Variants in EXOC6B observed in about 807,000 individuals in gnomAD.
EXOC6B encodes the protein SEC15 homolog B.
EXOC6B carries 54 observed loss-of-function variants against 113.5 expected under a neutral mutation model. The observed-to-expected ratio is 0.48, with a 90% CI of 0.38 to 0.60. The LOEUF (loss-of-function observed/expected upper bound fraction) is 0.60, where lower values mean the gene tolerates loss of function less well. EXOC6B is among the 20% of genes least tolerant of loss of function. The pLI, the probability that EXOC6B is intolerant of heterozygous loss-of-function variation, is 0.00. For synonymous variants in EXOC6B, 357 were observed against 339.0 expected (o/e 1.05, Z -0.58); for missense variants, 797 against 977.5 (o/e 0.82, Z 2.46).
chr2:72,824,022 T>C (rs946020458), intron 1 of EXOC6B, among the ~76,000 whole-genome samples: 7 of 151,788 alleles, frequency 4.6e-5, no homozygotes, highest in Non-Finnish European at 7.4e-5. Flanking sequence ...CATAAGGCAA[T>C]GGGGGTTGGT....
chr2:72,444,005 A>C (rs1408722656), intron 18 of EXOC6B, among the ~76,000 whole-genome samples: 1 of 152,190 alleles, frequency 6.6e-6, no homozygotes, highest in Admixed American at 6.5e-5. Flanking sequence ...AAGAGTCCAC[A>C]GTCCAAAGTC....
intron 6 of EXOC6B, among the ~76,000 whole-genome samples, chr2:72,603,651 C>T (rs1670572883): frequency 6.6e-6 from 1 of 152,144 alleles, no homozygotes; most frequent in Non-Finnish European, 1.5e-5. Context: ...GTGTACCTAT[C>T]TGCTGGTAAG....
At chr2:72,284,010 C>T (rs1685277231) in intron 20 of EXOC6B, among the ~76,000 whole-genome samples, 1 of 152,048 alleles carries the variant, frequency 6.6e-6, no homozygotes, top group Non-Finnish European at 1.5e-5. Flanking sequence ...AAACAGAAAG[C>T]CCCAAGTACA....
At chr2:72,721,397 G>A (rs1017899120) in intron 5 of EXOC6B, among the ~76,000 whole-genome samples, 2,662 of 38,130 alleles carry the variant, frequency 0.07, no homozygotes, top group Non-Finnish European at 0.08. Context: ...AATGAACAAA[G>A]AAAATTCACA....
At chr2:72,762,050 CCTAGCCAACATGGTAAAACCCCATCT>C (rs1339722916) in intron 1 of EXOC6B, among the ~76,000 whole-genome samples, 1 of 151,946 alleles carries the variant, frequency 6.6e-6, no homozygotes, top group Non-Finnish European at 1.5e-5. Flanking sequence ...TCAAGACCAT[CCTAGCCAACATGGTAAAACCCCATCT>C]CTACAAAAAA....
intron 17 of EXOC6B, among the ~76,000 whole-genome samples, chr2:72,478,627 A>G (rs1698891547): frequency 6.6e-6 from 1 of 152,210 alleles, no homozygotes; most frequent in South Asian, 2.1e-4. Context: ...TTCAGCCCCT[A>G]TGGCTTCCTG....
chr2:72,252,422 A>G (rs1011151742), intron 20 of EXOC6B, among the ~76,000 whole-genome samples: 4 of 152,148 alleles, frequency 2.6e-5, no homozygotes, highest in Admixed American at 6.5e-5. Context: ...AATATAATAG[A>G]AAGTCATGCC....
intron 20 of EXOC6B, among the ~76,000 whole-genome samples, chr2:72,329,844 A>C (rs1236235949): frequency 6.6e-6 from 1 of 152,112 alleles, no homozygotes; most frequent in African/African-American, 2.4e-5. Context: ...AGAAACATGC[A>C]ACTATTTCTC....
chr2:72,560,959 T>C (rs935602856), intron 7 of EXOC6B, among the ~76,000 whole-genome samples: 1 of 152,038 alleles, frequency 6.6e-6, no homozygotes, highest in African/African-American at 2.4e-5. Flanking sequence ...ATATAAAAAT[T>C]GTATGAGTGC....
At position 72,551,353 on chromosome 2, in the gene EXOC6B, A is replaced by G. The variant is rs190400341; in HGVS notation, c.915+8100T>C. On this transcript the variant is annotated intron_variant, in intron 8 of 21. Transcript: ENST00000272427. ...GTTGGGATTACAGGTGTGTGCCACC[A>G]CACCCAGCTAATTTTTGTATTTTTA... is the stretch of plus-strand genomic sequence containing the variant. Among the ~76,000 whole-genome samples, 549 of 151,462 alleles carry G rather than the reference A, an allele frequency of 3.6e-3. 4 individuals are homozygous for G. The highest frequency in any genetic ancestry group is 0.012 in the African/African-American group (498 of 41,244).
rs574544716 is a variant in EXOC6B, at chr2:72,348,303, T to C, written c.2123-13283A>G. Among the ~76,000 whole-genome samples the C allele has an allele frequency of 4.0e-4, 61 of 152,306 alleles. 1 individual carries two copies. Among genetic ancestry groups the C allele is most frequent in the African/African-American group, 1.4e-3 (57 of 41,572 alleles). On this transcript the variant is annotated intron_variant, in intron 19 of 21. Coordinates refer to ENST00000272427, the MANE Select transcript of EXOC6B (RefSeq NM_015189.3). ...CCTTGAAGTTTAGGATTTCAACATA[T>C]GAATTTTGGGGGAACATAAATATTC...
rs1344149580 is a variant in EXOC6B, at chr2:72,539,863, T to A, written c.915+19590A>T. Among the ~76,000 whole-genome samples, 3 of 151,852 alleles carry A rather than the reference T, an allele frequency of 2.0e-5. No individual in the cohort carries two copies. The East Asian group carries it at 5.8e-4, about 29-fold the overall frequency. The stretch of plus-strand genomic sequence containing the variant: ...GCACAATGTGCAGGTTAGTTACATA[T>A]GTATACATGTGCCATGCTGGTGTGC... On this transcript the variant is annotated intron_variant, in intron 8 of 21. Coordinates refer to ENST00000272427, the MANE Select transcript of EXOC6B (RefSeq NM_015189.3).
At chr2:72,250,567 C>G (rs1040143272) in intron 20 of EXOC6B, among the ~76,000 whole-genome samples, 1 of 151,338 alleles carries the variant, frequency 6.6e-6, no homozygotes, top group African/African-American at 2.4e-5. Flanking sequence ...TGGTCTTGAA[C>G]TCCTGAGCTC....
chr2:72,524,815 CA>C (rs1408967553), intron 8 of EXOC6B, among the ~76,000 whole-genome samples: 1 of 152,136 alleles, frequency 6.6e-6, no homozygotes, highest in African/African-American at 2.4e-5. Context: ...AAACACCTCA[CA>C]AAAAAACTGT....
Position 72,614,989 on chromosome 2 carries a change from TA to T in EXOC6B, c.670-39322del, listed in dbSNP as rs546205477. ...ACACCATAGAAGTAAGAATATACCA[TA>T]ACTAAATCTCCAACTAGAGAGGAAT... On this transcript the variant is annotated intron_variant, in intron 6 of 21. Coordinates refer to ENST00000272427, the MANE Select transcript of EXOC6B (RefSeq NM_015189.3). Among the ~76,000 whole-genome samples, 10 of 152,064 alleles carry T rather than the reference TA, an allele frequency of 6.6e-5. No individual in the cohort carries two copies. The East Asian group carries it at 1.9e-3, about 29-fold the overall frequency.
At chr2:72,665,014 C>T (rs1210353548) in intron 6 of EXOC6B, among the ~76,000 whole-genome samples, 1 of 152,206 alleles carries the variant, frequency 6.6e-6, no homozygotes, top group Admixed American at 6.5e-5. Context: ...GGAGCTCCCA[C>T]TCTGAGAACA....
chr2:72,514,944 CACACACACAG>C, intron 9 of EXOC6B, 89 bp downstream of exon 9: 1 of 1,075,340 alleles, frequency 9.3e-7, no homozygotes, highest in Non-Finnish European at 1.3e-6. Flanking sequence ...ACAGTAAACA[CACACACACAG>C]ACACACACAC....
chr2:72,225,003 T>C (rs547989363), intron 20 of EXOC6B, among the ~76,000 whole-genome samples: 2 of 148,756 alleles, frequency 1.3e-5, no homozygotes, highest in Non-Finnish European at 3.0e-5. Flanking sequence ...TGTATATATA[T>C]ATAAATACAC....
At chr2:72,583,486 C>T (rs577597571) in intron 6 of EXOC6B, among the ~76,000 whole-genome samples, 6 of 152,020 alleles carry the variant, frequency 3.9e-5, no homozygotes, top group South Asian at 2.1e-4. Flanking sequence ...AAAAGGATAC[C>T]CATGGGGCTA....
Sources: allele counts gnomAD v4.1 joint callset (sites outside exome capture counted in the v4.1 genomes callset), GRCh38; gene constraint gnomAD v4.1.1; transcripts MANE v1.5; gene names NCBI Gene and HGNC (gene_info 2026-07-23, HGNC 2026-07-21).